The following PTCH1 variants were observed in gnomAD, a reference collection of about 807,000 sequenced individuals.
The protein encoded by PTCH1 is patched 1.
A neutral mutation model predicts 144.6 loss-of-function variants in PTCH1; 14 were observed. The ratio of observed to expected loss-of-function variants is 0.10; its 90% CI spans 0.06 to 0.15. PTCH1 has a LOEUF of 0.15. PTCH1 is among the 10% of genes least tolerant of loss of function. The pLI is 1.00. For synonymous variants in PTCH1, 833 were observed against 793.6 expected (o/e 1.05, Z -0.83); for missense variants, 1,623 against 1,948.3 (o/e 0.83, Z 3.14).
At chr9:95,473,542 ATT>A (rs34481207) in intron 12 of PTCH1, among the ~76,000 whole-genome samples, 1,375 of 118,936 alleles carry the variant, frequency 0.012, 5 homozygotes, top group East Asian at 0.03. Flanking sequence ...TTTCTATCCT[ATT>A]TTTTTTTTTT....
chr9:95,493,847 C>A (rs1027814631), intron 2 of PTCH1, among the ~76,000 whole-genome samples: 3 of 151,934 alleles, frequency 2.0e-5, no homozygotes, highest in Non-Finnish European at 4.4e-5. Flanking sequence ...GCTGAAAATT[C>A]ACGGGCTGTG....
At chr9:95,507,174 TG>T (rs1244964437) in intron 1 of PTCH1, 45 of 985,092 alleles carry the variant, frequency 4.6e-5, no homozygotes, top group Non-Finnish European at 5.3e-5. Context: ...TTCCATAGCG[TG>T]GGGAGAGGCT....
intron 3 of PTCH1, 46 bp downstream of exon 3, chr9:95,485,639 C>A: frequency 6.2e-7 from 1 of 1,611,228 alleles, no homozygotes; most frequent in Non-Finnish European, 8.5e-7. Flanking sequence ...CCTTCTCCCA[C>A]CGCCTTACCT....
rs1399166701 is a variant in PTCH1 at position 95,508,442 on chromosome 9, C to T, written c.-81G>A. On this transcript the variant is annotated 5_prime_UTR_variant, in exon 1 of 24. Transcript: ENST00000331920. Reference sequence around the variant, plus strand: ...GCGCTGCTGCCGCTGCTGCGGGCTCCTGGCGCGCCTGGGCGCTCGGCTTGC... The same window carrying T: ...GCGCTGCTGCCGCTGCTGCGGGCTCTTGGCGCGCCTGGGCGCTCGGCTTGC... 9.7e-7 allele frequency: 1 copy of T among 1,030,918 alleles called. No homozygotes were observed. Among genetic ancestry groups the T allele is most frequent in the Non-Finnish European group, 1.2e-6 (1 of 860,734 alleles). The allele number at this position is 1,030,918 out of a possible 1,614,324, so 63.9% of individuals were successfully genotyped here.
intron 19 of PTCH1, 132 bp downstream of exon 19, chr9:95,456,144 G>A (rs1588534843): frequency 2.9e-6 from 4 of 1,365,414 alleles, no homozygotes; most frequent in East Asian, 2.4e-5. Context: ...GCTCTCCTAG[G>A]GGGCCCCTGT....
intron 2 of PTCH1, among the ~76,000 whole-genome samples, chr9:95,491,516 C>A (rs1249574174): frequency 6.6e-6 from 1 of 152,196 alleles, no homozygotes; most frequent in Non-Finnish European, 1.5e-5. Flanking sequence ...TGTCACAGAG[C>A]ATTGTTTCAC....
intron 2 of PTCH1, among the ~76,000 whole-genome samples, chr9:95,498,209 G>A (rs1038188218): frequency 2.0e-5 from 3 of 152,146 alleles, no homozygotes; most frequent in Non-Finnish European, 2.9e-5. Flanking sequence ...TCATTTATCC[G>A]AACAATAATA....
chr9:95,460,924 G>A (rs573899778), intron 16 of PTCH1, among the ~76,000 whole-genome samples: 2 of 152,154 alleles, frequency 1.3e-5, no homozygotes, highest in African/African-American at 2.4e-5. Flanking sequence ...TGAGCTCAGA[G>A]TTTCACACTC....
chr9:95,490,869 T>C (rs1006705638), intron 2 of PTCH1, among the ~76,000 whole-genome samples: 1 of 152,170 alleles, frequency 6.6e-6, no homozygotes, highest in African/African-American at 2.4e-5. Context: ...AGAGAAGATT[T>C]AGAATGTTCT....
chr9:95,513,541 C>G (rs1844242338), upstream of PTCH1, among the ~76,000 whole-genome samples: 1 of 152,128 alleles, frequency 6.6e-6, no homozygotes, highest in Non-Finnish European at 1.5e-5. Context: ...AGGGCTTCAG[C>G]AGTTCCAAGC....
intron 19 of PTCH1, among the ~76,000 whole-genome samples, 191 bp downstream of exon 19, chr9:95,456,085 C>A (rs1176781204): frequency 6.6e-6 from 1 of 152,200 alleles, no homozygotes; most frequent in African/African-American, 2.4e-5. Flanking sequence ...ACCTTCCATA[C>A]CCCTCTCCTT....
At chr9:95,495,877 T>A (rs896088992) in intron 2 of PTCH1, among the ~76,000 whole-genome samples, 1 of 152,196 alleles carries the variant, frequency 6.6e-6, no homozygotes, top group African/African-American at 2.4e-5. Flanking sequence ...GCCCCACTCA[T>A]CTGGACCCTG....
At position 95,455,760 on chromosome 9, in the gene PTCH1, G is replaced by A. The variant is rs532345763; in HGVS notation, c.3306+516C>T. On this transcript the variant is annotated intron_variant, in intron 19 of 23. Coordinates refer to ENST00000331920, the MANE Select transcript of PTCH1 (RefSeq NM_000264.5). ...GCTTAGGTAGAAGAGCCAGTTCCCC[G>A]GGGCTGAACAATGGAGCCTCCACTC... is the stretch of plus-strand genomic sequence containing the variant. Among the ~76,000 whole-genome samples, 464 of 152,258 alleles carry A rather than the reference G, an allele frequency of 3.0e-3. 1 individual carries two copies. Among genetic ancestry groups the A allele is most frequent in the African/African-American group, 0.01 (429 of 41,538 alleles).
chr9:95,510,285 G>A (rs1844080885), upstream of PTCH1, among the ~76,000 whole-genome samples: 1 of 152,104 alleles, frequency 6.6e-6, no homozygotes, highest in South Asian at 2.1e-4. Flanking sequence ...AACTCGGTAT[G>A]CATGTTATAT....
rs1344231723 is a variant in PTCH1, at chr9:95,453,602, C to T, written c.3325G>A (p.Gly1109Ser). 5 of 1,613,694 alleles carry T rather than the reference C, an allele frequency of 3.1e-6. No individual in the cohort carries two copies. Among genetic ancestry groups the T allele is most frequent in the Middle Eastern group, 1.6e-4 (1 of 6,084 alleles). Residue 1109 changes from glycine to serine, a missense_variant, in exon 20 of 24, where the codon GGC (glycine) becomes AGC (serine). Gly to Ser is a moderately conservative substitution (Grantham distance 56). Transcript: ENST00000331920. ...HVALAFLTAI[G>S]DKNRRAVLAL... ...AGCACAGCCCTGCGGTTCTTGTCGC[C>T]GATGGCCGTCAGAAAGGCCTGTGCA...
chr9:95,479,245 C>T, intron 7 of PTCH1, 98 bp from the exon 8 acceptor site: 1 of 1,462,236 alleles, frequency 6.8e-7, no homozygotes, highest in Non-Finnish European at 9.5e-7. Context: ...TCACTGGCTG[C>T]AATTCTTTTC....
In PTCH1 at chr9:95,476,436, G is replaced by C. The variant is rs964906890; in HGVS notation, c.1603-277C>G. Among the ~76,000 whole-genome samples the C allele has an allele frequency of 6.6e-6, 1 of 152,140 alleles. No individual in the cohort carries two copies. Among genetic ancestry groups the C allele is most frequent in the Non-Finnish European group, 1.5e-5 (1 of 68,030 alleles). On this transcript the variant is annotated intron_variant, in intron 11 of 23. Transcript: ENST00000331920. This position sits in a 1 kb window ranked among gnomAD's most constrained non-coding sequence, Gnocchi z 4.6. ...GTATAATTTTAAAAGGGAGTGGAGG[G>C]AGGTGATGGCTAAGTGACAGACATC...
chr9:95,503,539 G>A (rs527465169), intron 2 of PTCH1, among the ~76,000 whole-genome samples: 2 of 152,260 alleles, frequency 1.3e-5, no homozygotes, highest in African/African-American at 4.8e-5. Flanking sequence ...TCTAGGGGGA[G>A]AATCTAGCAC....
chr9:95,510,257 CAG>C (rs1844079541), upstream of PTCH1, among the ~76,000 whole-genome samples: 1 of 152,030 alleles, frequency 6.6e-6, no homozygotes, highest in Admixed American at 6.6e-5. Flanking sequence ...TTTATATAGT[CAG>C]TATTTTTTTT....
Sources: gnomAD v4.1 joint callset for allele counts (sites outside exome capture counted in the v4.1 genomes callset) on GRCh38, gnomAD v4.1.1 for gene constraint, Gnocchi (gnomAD v3.1) non-coding constraint, MANE v1.5 for transcripts, NCBI Gene and HGNC (gene_info 2026-07-23, HGNC 2026-07-21) for gene names.